The following LRSAM1 variants were observed in gnomAD, a reference collection of about 807,000 sequenced individuals.
The protein encoded by LRSAM1 is E3 ubiquitin-protein ligase LRSAM1.
In LRSAM1, 96 loss-of-function variants were observed where a neutral mutation model predicts 118.1. The ratio of observed to expected loss-of-function variants is 0.81; its 90% CI spans 0.69 to 0.96. The LOEUF (loss-of-function observed/expected upper bound fraction) is 0.96, where lower values mean the gene tolerates loss of function less well. Ranked by LOEUF, LRSAM1 falls within the 40% of genes least tolerant of loss-of-function variation. The pLI, the probability that LRSAM1 is intolerant of heterozygous loss-of-function variation, is 0.00. For missense variants in LRSAM1, 804 were observed against 915.5 expected (o/e 0.88, Z 1.57); for synonymous variants, 322 against 364.2 (o/e 0.88, Z 1.32).
intron 10 of LRSAM1, among the ~76,000 whole-genome samples, chr9:127,468,810 CAAAAAAAAAAAA>C (rs1185949155): frequency 5.8e-3 from 96 of 16,448 alleles, no homozygotes; most frequent in Non-Finnish European, 0.011. Flanking sequence ...CCTGTCTCTA[CAAAAAAAAAAAA>C]AAAAAAAAAA....
chr9:127,472,297 GTA>G (rs10607015), intron 10 of LRSAM1, among the ~76,000 whole-genome samples: 14,737 of 119,496 alleles, frequency 0.12, 1,133 homozygotes, highest in African/African-American at 0.25. Context: ...CTATGTAGAA[GTA>G]TATATATATA....
At chr9:127,462,125 C>T in intron 8 of LRSAM1, 127 bp from the exon 9 acceptor site, 1 of 1,347,534 alleles carries the variant, frequency 7.4e-7, no homozygotes, top group Non-Finnish European at 1.0e-6. Flanking sequence ...CTTCTTGAGC[C>T]TAGGAAACCT....
At chr9:127,469,791 G>T (rs1835097942) in intron 10 of LRSAM1, among the ~76,000 whole-genome samples, 1 of 152,060 alleles carries the variant, frequency 6.6e-6, no homozygotes, top group African/African-American at 2.4e-5. Context: ...GTGAAACCCT[G>T]TCTCTACTAA....
chr9:127,479,401 A>G lies in LRSAM1; in HGVS notation c.799A>G (p.Lys267Glu). 1 of 1,614,112 alleles carries G rather than the reference A, an allele frequency of 6.2e-7. No homozygotes were observed. Among genetic ancestry groups the G allele is most frequent in the Non-Finnish European group, 8.5e-7 (1 of 1,180,018 alleles). ...EKRKEQKMLE[K>E]LEFERRLELG... ...CTTGCAGGAACAGAAGATGCTGGAG[A>G]AACTCGAGTTTGAACGGCGCCTGGA... is the stretch of plus-strand genomic sequence containing the variant. The change falls in exon 13 of 26, where the codon AAA (lysine) becomes GAA (glutamate). Residue 267 changes from lysine to glutamate, a missense_variant. Transcript: ENST00000300417.
chr9:127,490,192 T>C (rs1343112969), intron 19 of LRSAM1, among the ~76,000 whole-genome samples: 1 of 152,266 alleles, frequency 6.6e-6, no homozygotes, highest in Non-Finnish European at 1.5e-5. Flanking sequence ...TACTCCTGCA[T>C]CATGTTCAGC....
At position 127,465,624 on chromosome 9, in the gene LRSAM1, C is replaced by T. The variant is rs1293183213; in HGVS notation, c.529-2116C>T. On this transcript the variant is annotated intron_variant, in intron 9 of 25. Transcript: ENST00000300417. The surrounding 1 kb of genome is among the most constrained non-coding windows in gnomAD (Gnocchi z 4.1). ...CCACTCCCTGTGCAAAGCACGTTCACTCAACACCCACCGTGTGAGGGCTGG... is the reference window on the plus strand; with the variant it reads ...CCACTCCCTGTGCAAAGCACGTTCATTCAACACCCACCGTGTGAGGGCTGG... Among the ~76,000 whole-genome samples the T allele has an allele frequency of 6.6e-6, 1 of 152,244 alleles. No individual in the cohort carries two copies. The highest frequency in any genetic ancestry group is 2.4e-5 in the African/African-American group (1 of 41,470).
chr9:127,490,392 G>A (rs563134858), intron 19 of LRSAM1, among the ~76,000 whole-genome samples: 1 of 152,198 alleles, frequency 6.6e-6, no homozygotes, highest in African/African-American at 2.4e-5. Context: ...TTAGGGATGA[G>A]GGTCACAGGG....
intron 4 of LRSAM1, among the ~76,000 whole-genome samples, 174 bp downstream of exon 4, chr9:127,455,228 CTCAAT>C (rs1218759993): frequency 1.3e-5 from 2 of 152,028 alleles, no homozygotes; most frequent in Non-Finnish European, 2.9e-5. Context: ...ATCCTTTGGC[CTCAAT>C]ATAACGTAGT....
intron 16 of LRSAM1, among the ~76,000 whole-genome samples, chr9:127,484,805 TTTTTC>T (rs1835667945): frequency 7.7e-6 from 1 of 129,574 alleles, no homozygotes; most frequent in Non-Finnish European, 1.8e-5. Context: ...GATTTTTCTT[TTTTTC>T]TTTTTTTTTT....
chr9:127,469,764 C>T (rs1039229076), intron 10 of LRSAM1, among the ~76,000 whole-genome samples: 14 of 152,280 alleles, frequency 9.2e-5, no homozygotes, highest in Non-Finnish European at 1.9e-4. Context: ...AAGATTGAGA[C>T]CATCCTGACT....
chr9:127,499,276 A>C (rs1178375217), intron 24 of LRSAM1, among the ~76,000 whole-genome samples: 1 of 152,026 alleles, frequency 6.6e-6, no homozygotes, highest in Non-Finnish European at 1.5e-5. Context: ...CGGGGGGCAA[A>C]GGTGGGAGGA....
chr9:127,496,157 G>A, intron 23 of LRSAM1, 62 bp downstream of exon 23: 2 of 1,594,296 alleles, frequency 1.3e-6, no homozygotes, highest in East Asian at 4.5e-5. Context: ...TGACCAGCCG[G>A]GGGTTGATCT....
intron 19 of LRSAM1, among the ~76,000 whole-genome samples, chr9:127,489,787 G>A (rs1463423340): frequency 1.3e-5 from 2 of 152,234 alleles, no homozygotes; most frequent in African/African-American, 4.8e-5. Context: ...GGCCAGGGAG[G>A]CTGGTGCTGA....
At chr9:127,495,138 G>A (rs887446545) in intron 21 of LRSAM1, among the ~76,000 whole-genome samples, 182 bp from the exon 22 acceptor site, 1 of 151,986 alleles carries the variant, frequency 6.6e-6, no homozygotes, top group East Asian at 1.9e-4. Flanking sequence ...TTTAGTAGAG[G>A]TGGGGGGTTT....
chr9:127,473,819 AC>A lies in LRSAM1; in HGVS notation c.644del (p.Pro215LeufsTer33), dbSNP rs1835258784. 6.2e-7 allele frequency: 1 copy of A among 1,613,658 alleles called. No individual in the cohort carries two copies. Among genetic ancestry groups the A allele is most frequent in the Non-Finnish European group, 8.5e-7 (1 of 1,179,934 alleles). ...CTTACAGAGTCAGGGCTGGAATACTACCCCCCTTCTCAGTACTTGCTGCCAA... is the reference window on the plus strand; with the variant it reads ...CTTACAGAGTCAGGGCTGGAATACTACCCCCTTCTCAGTACTTGCTGCCAA... ...FLCKESGLEY[Y>X]PPSQYLLPIL... On this transcript the variant is annotated frameshift_variant, in exon 11 of 26. Coordinates refer to ENST00000300417, the MANE Select transcript of LRSAM1 (RefSeq NM_001005373.4). LOFTEE classifies it high-confidence loss of function.
intron 11 of LRSAM1, among the ~76,000 whole-genome samples, chr9:127,475,698 T>C (rs553850810): frequency 1.4e-4 from 22 of 152,236 alleles, no homozygotes; most frequent in African/African-American, 5.3e-4. Flanking sequence ...GTATCACAAC[T>C]TTGGAGGATA....
At chr9:127,466,074 C>T (rs1014884176) in intron 9 of LRSAM1, among the ~76,000 whole-genome samples, 12 of 152,256 alleles carry the variant, frequency 7.9e-5, no homozygotes, top group African/African-American at 1.9e-4. Flanking sequence ...TTTGGGAAGA[C>T]GAGGTGGGTG....
In LRSAM1 at chr9:127,495,992, C is replaced by A. The variant is rs1314525938; in HGVS notation, c.1727C>A (p.Ala576Asp). ...QEEGMERQLV[A>D]LLEELSAEHY... ...GAGGGGATGGAGCGCCAGCTGGTGGCCCTCCTGGAGGAGCTGTCGGCTGAG... is the reference window on the plus strand; with the variant it reads ...GAGGGGATGGAGCGCCAGCTGGTGGACCTCCTGGAGGAGCTGTCGGCTGAG... Residue 576 changes from alanine to aspartate, a missense_variant, in exon 23 of 26, where the codon GCC becomes GAC. Transcript: ENST00000300417. The A allele has an allele frequency of 2.5e-6, 4 of 1,612,874 alleles. No individual in the cohort carries two copies. Among genetic ancestry groups the A allele is most frequent in the Non-Finnish European group, 2.5e-6 (3 of 1,179,966 alleles).
intron 10 of LRSAM1, among the ~76,000 whole-genome samples, chr9:127,469,685 C>T (rs1321122442): frequency 2.0e-5 from 3 of 151,638 alleles, no homozygotes; most frequent in Middle Eastern, 3.4e-3. Context: ...AAAAATAGGC[C>T]GGGCGCGGTG....
Sources: allele counts gnomAD v4.1 joint callset (sites outside exome capture counted in the v4.1 genomes callset), GRCh38; gene constraint gnomAD v4.1.1; non-coding constraint Gnocchi (gnomAD v3.1); transcripts MANE v1.5; gene names NCBI Gene and HGNC (gene_info 2026-07-23, HGNC 2026-07-21).